The following TICRR variants were observed in gnomAD, a reference collection of about 807,000 sequenced individuals.
TICRR encodes TOPBP1 interacting checkpoint and replication regulator.
TICRR carries 132 observed loss-of-function variants against 178.1 expected under a neutral mutation model. The observed-to-expected ratio is 0.74, with a 90% CI of 0.64 to 0.86. The LOEUF is 0.86. Among genes scored for constraint, TICRR ranks in the 40% least tolerant of loss-of-function variants. TICRR has a pLI of 0.00. For synonymous variants in TICRR, 991 were observed against 900.7 expected (o/e 1.10, Z -1.79); for missense variants, 2,587 against 2,334.3 (o/e 1.11, Z -2.23).
intron 7 of TICRR, among the ~76,000 whole-genome samples, chr15:89,597,820 G>A (rs1963023601): frequency 6.6e-6 from 1 of 152,168 alleles, no homozygotes; most frequent in Admixed American, 6.5e-5. Flanking sequence ...AGATCAAATT[G>A]GGAATCTGAA....
chr15:89,608,174 T>C (rs1005822786), intron 14 of TICRR, among the ~76,000 whole-genome samples: 1 of 152,166 alleles, frequency 6.6e-6, no homozygotes, highest in Non-Finnish European at 1.5e-5. Flanking sequence ...GGGGCCTTCC[T>C]TGTGTTCCTG....
rs553559795 is a variant in TICRR, at chr15:89,624,448, A to G, written c.4138A>G (p.Lys1380Glu). The G allele has an allele frequency of 3.1e-6, 5 of 1,614,074 alleles. No individual in the cohort carries two copies. The highest frequency in any genetic ancestry group is 3.4e-6 in the Non-Finnish European group (4 of 1,180,016). ...CACCGTCCCTCCTCCACCCCCTTCTAAAGTTGGGAAACGGTGTAGAAAGAC... is the reference window on the plus strand; with the variant it reads ...CACCGTCCCTCCTCCACCCCCTTCTGAAGTTGGGAAACGGTGTAGAAAGAC... ...LDTVPPPPPS[K>E]VGKRCRKTSD... Residue 1380 changes from lysine (K) to glutamate (E), a missense_variant, in exon 20 of 22, where the codon AAA (lysine) becomes GAA (glutamate). Physicochemically the swap from Lys to Glu is moderately conservative, Grantham distance 56 (BLOSUM62 1). Coordinates refer to ENST00000268138, the MANE Select transcript of TICRR (RefSeq NM_152259.4).
chr15:89,580,860 C>T (rs1246721817), intron 1 of TICRR, among the ~76,000 whole-genome samples: 1 of 152,050 alleles, frequency 6.6e-6, no homozygotes, highest in Non-Finnish European at 1.5e-5. Context: ...GGTGAGACCC[C>T]ATCTCTACAA....
chr15:89,613,569 C>G (rs1397799187), intron 15 of TICRR, among the ~76,000 whole-genome samples: 1 of 152,268 alleles, frequency 6.6e-6, no homozygotes, highest in African/African-American at 2.4e-5. Flanking sequence ...GATGGTGTCA[C>G]AAGTATCTGA....
intron 15 of TICRR, 53 bp downstream of exon 15, chr15:89,609,002 A>T: frequency 6.9e-7 from 1 of 1,440,808 alleles, no homozygotes; most frequent in South Asian, 1.3e-5. Context: ...CTGTAAGATT[A>T]GTAGTAATGT....
Position 89,625,079 on chromosome 15 carries a change from G to A in TICRR, c.4769G>A (p.Ser1590Asn), listed in dbSNP as rs1963494715. The stretch of plus-strand genomic sequence containing the variant: ...TCTTCATTAGAGGCTGAGCCCCTCA[G>A]CAAGGAGGAGAGCTCTCTGGGAGAA... ...PSSSLEAEPL[S>N]KEESSLGEES... The change falls in exon 20 of 22, where the codon AGC (serine) becomes AAC (asparagine). Residue 1590 changes from serine (S) to asparagine (N), a missense_variant. Transcript: ENST00000268138. 6.2e-7 allele frequency: 1 copy of A among 1,613,924 alleles called. No individual in the cohort carries two copies. The highest frequency in any genetic ancestry group is 8.5e-7 in the Non-Finnish European group (1 of 1,180,000).
intron 15 of TICRR, 74 bp from the exon 16 acceptor site, chr15:89,616,331 G>C: frequency 7.8e-7 from 1 of 1,281,570 alleles, no homozygotes; most frequent in Non-Finnish European, 1.1e-6. Context: ...AGTTCAAACT[G>C]CTCCCTTGGC....
intron 1 of TICRR, among the ~76,000 whole-genome samples, chr15:89,576,846 TATATATATATATATAC>T (rs1463474361): frequency 1.5e-4 from 21 of 137,768 alleles, no homozygotes; most frequent in African/African-American, 5.3e-4. Flanking sequence ...TATATATATA[TATATATATATATATAC>T]ACACACACAC....
chr15:89,579,889 C>A (rs1962693156), intron 1 of TICRR: 1 of 152,200 alleles, frequency 6.6e-6, no homozygotes, highest in African/African-American at 2.4e-5. Context: ...GTAAGAAATA[C>A]ATTCCTTTTC....
rs776403508 is a variant in TICRR at position 89,625,395 on chromosome 15, C to T, written c.5085C>T (p.Gly1695=). Residue 1695 remains glycine, a synonymous_variant, in exon 20 of 22, where the codon GGC becomes GGT. Coordinates refer to ENST00000268138, the MANE Select transcript of TICRR (RefSeq NM_152259.4). The part of the protein sequence containing the change: ...WPRRKRAVGC[G]AGSSSGRGEV... Reference sequence around the variant, plus strand: ...GGAGGAAGAGGGCGGTGGGCTGTGGCGCCGGCTCCTCTTCCGGGAGGGGCG... The same window carrying T: ...GGAGGAAGAGGGCGGTGGGCTGTGGTGCCGGCTCCTCTTCCGGGAGGGGCG... 1.2e-5 allele frequency: 19 copies of T among 1,613,876 alleles called. No homozygotes were observed. The highest frequency in any genetic ancestry group is 4.5e-5 in the East Asian group (2 of 44,840).
At chr15:89,587,042 G>A (rs1962835182) in intron 4 of TICRR, among the ~76,000 whole-genome samples, 1 of 152,224 alleles carries the variant, frequency 6.6e-6, no homozygotes, top group South Asian at 2.1e-4. Context: ...CCAGGCAAGA[G>A]ATGGTGGGAA....
At chr15:89,579,503 G>A (rs938854666) in intron 1 of TICRR, among the ~76,000 whole-genome samples, 6 of 151,724 alleles carry the variant, frequency 4.0e-5, no homozygotes, top group Admixed American at 2.0e-4. Context: ...TTGCCACCAC[G>A]CCTGGCTAAT....
At chr15:89,621,957 T>C (rs2141982046) in intron 19 of TICRR, among the ~76,000 whole-genome samples, 1 of 146,512 alleles carries the variant, frequency 6.8e-6, no homozygotes, top group South Asian at 2.2e-4. Context: ...AGTCGAGTCC[T>C]GCCCATTTTA....
intron 19 of TICRR, among the ~76,000 whole-genome samples, chr15:89,623,258 G>A (rs1324725003): frequency 2.6e-5 from 4 of 152,228 alleles, no homozygotes; most frequent in African/African-American, 9.7e-5. Context: ...GGCTCCTGGA[G>A]GCTGCTTTAG....
chr15:89,620,420 C>A (rs1356913476), intron 18 of TICRR, among the ~76,000 whole-genome samples: 1 of 152,020 alleles, frequency 6.6e-6, no homozygotes, highest in Non-Finnish European at 1.5e-5. Context: ...GTTGCCCAGG[C>A]TGGTCTTGAA....
At chr15:89,584,951 C>G (rs1272383855) in intron 3 of TICRR, among the ~76,000 whole-genome samples, 1 of 152,070 alleles carries the variant, frequency 6.6e-6, no homozygotes, top group Non-Finnish European at 1.5e-5. Context: ...ATATAATTGT[C>G]TGTGTAACTC....
chr15:89,625,346 CA>C lies in TICRR; in HGVS notation c.5037del (p.Asp1680ThrfsTer2), dbSNP rs747939127. 3 of 1,614,066 alleles carry C rather than the reference CA, an allele frequency of 1.9e-6. No homozygotes were observed. The Admixed American group carries it at 5.0e-5, about 27-fold the overall frequency. ...PSPKHSGKTT[P>X]DIIKDWPRRK... The stretch of plus-strand genomic sequence containing the variant: ...CCCAAGCACAGTGGGAAGACAACTC[CA>C]GACATAATTAAAGACTGGCCCAGGA... On this transcript the variant is annotated frameshift_variant, in exon 20 of 22. Coordinates refer to ENST00000268138, the MANE Select transcript of TICRR (RefSeq NM_152259.4). LOFTEE classifies it high-confidence loss of function.
At chr15:89,600,725 A>T (rs927538738) in intron 9 of TICRR, 40 bp downstream of exon 9, 1 of 992,696 alleles carries the variant, frequency 1.0e-6, no homozygotes. Flanking sequence ...TCACTCTAAA[A>T]GCTGTGAGAT....
chr15:89,592,912 T>C (rs996962662), intron 5 of TICRR, among the ~76,000 whole-genome samples: 3 of 152,228 alleles, frequency 2.0e-5, no homozygotes, highest in Non-Finnish European at 4.4e-5. Flanking sequence ...AAAAATCAAC[T>C]GGCCACCTTT....
Sources: gnomAD v4.1 joint callset for allele counts (sites outside exome capture counted in the v4.1 genomes callset) on GRCh38, gnomAD v4.1.1 for gene constraint, MANE v1.5 for transcripts, NCBI Gene and HGNC (gene_info 2026-07-23, HGNC 2026-07-21) for gene names.